MARCO: variants seen among roughly 807,000 people sequenced by gnomAD.
MARCO encodes the protein macrophage receptor with collagenous structure.
In MARCO, 72 loss-of-function variants were observed where a neutral mutation model predicts 70.0. The observed-to-expected ratio is 1.03, with a 90% CI of 0.85 to 1.25. MARCO has a LOEUF of 1.25. Ranked by LOEUF, MARCO falls within the 50% of genes most tolerant of loss-of-function variation. MARCO has a pLI of 0.00. For missense variants in MARCO, 696 were observed against 659.3 expected (o/e 1.06, Z -0.61); for synonymous variants, 273 against 243.1 (o/e 1.12, Z -1.14).
intron 8 of MARCO, among the ~76,000 whole-genome samples, chr2:118,979,057 G>A (rs991451619): frequency 1.3e-5 from 2 of 152,072 alleles, no homozygotes; most frequent in Admixed American, 1.3e-4. Context: ...ATTACTGCAG[G>A]AATATAAGAC....
chr2:118,943,592 G>A (rs1007579063), intron 1 of MARCO, among the ~76,000 whole-genome samples: 2 of 152,198 alleles, frequency 1.3e-5, no homozygotes, highest in African/African-American at 4.8e-5. Context: ...AGGACATGAT[G>A]GACAGATCTA....
chr2:118,971,438 T>A lies in MARCO; in HGVS notation c.425-61T>A. The A allele has an allele frequency of 1.9e-6, 3 of 1,554,524 alleles. No homozygotes were observed. The South Asian group carries it at 3.3e-5, about 17-fold the overall frequency. On this transcript the variant is annotated intron_variant, in intron 3 of 16. Coordinates refer to ENST00000327097, the MANE Select transcript of MARCO (RefSeq NM_006770.4). ...CACTGCAGAACCTGGGCACTCTCAG[T>A]TGGGGCTTGGGCCAAGGGTACCCCA...
chr2:118,977,566 T>G (rs749278664), intron 7 of MARCO, 51 bp downstream of exon 7: 10 of 1,549,208 alleles, frequency 6.5e-6, no homozygotes, highest in South Asian at 1.1e-5. Context: ...CCTGAGGCAC[T>G]GAGGCAGTTC....
chr2:118,980,073 G>A (rs768621463), intron 8 of MARCO, among the ~76,000 whole-genome samples: 1 of 152,192 alleles, frequency 6.6e-6, no homozygotes, highest in Admixed American at 6.5e-5. Flanking sequence ...TAGCAACACA[G>A]ATGCAGGTCC....
At chr2:118,952,029 C>T (rs1679732228) in intron 1 of MARCO, among the ~76,000 whole-genome samples, 1 of 152,152 alleles carries the variant, frequency 6.6e-6, no homozygotes, top group Admixed American at 6.5e-5. Flanking sequence ...TGCTGCTCTC[C>T]CTTCTCCTTC....
At position 118,969,258 on chromosome 2, in the gene MARCO, C is replaced by T. The variant is rs1274519738; in HGVS notation, c.196C>T (p.Gln66Ter). Residue 66 changes from glutamine to a stop codon, truncating the protein, a stop_gained, in exon 2 of 17, where the codon CAA becomes TAA. Transcript: ENST00000327097. LOFTEE classifies it high-confidence loss of function. ...CGCTGGCGCTGGGCTGCTGGTGGTC[C>T]AAGGTAAAGCAGGCTTGGTCCTGTG... ...LTAGAGLLVV[Q>*]VLNLQARLRV... 6.2e-7 allele frequency: 1 copy of T among 1,613,616 alleles called. No homozygotes were observed.
At chr2:118,957,401 A>G (rs1200885221) in intron 1 of MARCO, among the ~76,000 whole-genome samples, 1 of 152,210 alleles carries the variant, frequency 6.6e-6, no homozygotes, top group East Asian at 1.9e-4. Context: ...GAGATGGATA[A>G]ATTCCTGGAA....
chr2:118,987,051 A>T (rs920503856), intron 12 of MARCO, among the ~76,000 whole-genome samples: 2 of 152,168 alleles, frequency 1.3e-5, no homozygotes, highest in Admixed American at 6.5e-5. Context: ...ACAATTGAAG[A>T]CTTTAGTCAG....
intron 12 of MARCO, among the ~76,000 whole-genome samples, chr2:118,983,993 C>T (rs557219152): frequency 6.6e-6 from 1 of 152,194 alleles, no homozygotes; most frequent in Non-Finnish European, 1.5e-5. Context: ...AAAGCAGCTC[C>T]TGCTAATGAG....
chr2:118,968,746 T>A (rs1251666467), intron 1 of MARCO, among the ~76,000 whole-genome samples: 1 of 152,208 alleles, frequency 6.6e-6, no homozygotes, highest in Non-Finnish European at 1.5e-5. Context: ...TTTCTCCAAG[T>A]CTCACTACTT....
intron 1 of MARCO, among the ~76,000 whole-genome samples, chr2:118,964,073 T>C (rs1422978034): frequency 6.6e-6 from 1 of 152,228 alleles, no homozygotes; most frequent in Non-Finnish European, 1.5e-5. Flanking sequence ...TATCGCAGCC[T>C]GGCTATTGCA....
intron 6 of MARCO, among the ~76,000 whole-genome samples, chr2:118,976,168 C>T (rs1447888099): frequency 6.6e-6 from 1 of 152,176 alleles, no homozygotes; most frequent in Non-Finnish European, 1.5e-5. Context: ...CAGGTAGGCA[C>T]ATCACACAGC....
intron 1 of MARCO, among the ~76,000 whole-genome samples, chr2:118,967,232 C>G (rs902339699): frequency 6.6e-6 from 1 of 152,200 alleles, no homozygotes; most frequent in African/African-American, 2.4e-5. Context: ...GCAGGACGGG[C>G]TCTACTGAAC....
chr2:118,953,067 G>A (rs1679755726), intron 1 of MARCO: 1 of 152,238 alleles, frequency 6.6e-6, no homozygotes, highest in Non-Finnish European at 1.5e-5. Context: ...GTTGGCTGGA[G>A]CAGGACCTCA....
intron 1 of MARCO, among the ~76,000 whole-genome samples, chr2:118,956,983 A>T (rs1320698227): frequency 6.6e-6 from 1 of 152,136 alleles, no homozygotes; most frequent in Non-Finnish European, 1.5e-5. Context: ...CCTCTAGGAT[A>T]CAGCTAAGGT....
At chr2:118,966,704 T>G (rs372414111) in intron 1 of MARCO, among the ~76,000 whole-genome samples, 3 of 152,230 alleles carry the variant, frequency 2.0e-5, no homozygotes, top group African/African-American at 7.2e-5. Flanking sequence ...GTATTTTCCA[T>G]GCTTGCTCCA....
chr2:118,974,315 T>C lies in MARCO; in HGVS notation c.461-18T>C. 6.7e-7 allele frequency: 1 copy of C among 1,501,624 alleles called. No individual in the cohort carries two copies. The highest frequency in any genetic ancestry group is 1.8e-5 in the Admixed American group (1 of 54,858). The allele number at this position is 1,501,624 out of a possible 1,614,324, so 93.0% of individuals were successfully genotyped here. A position where few individuals can be genotyped will look rare whatever the true frequency, so the allele number is the denominator to read the frequency against. On this transcript the variant is annotated intron_variant, in intron 4 of 16. Transcript: ENST00000327097. ...TCCTGTTGACTGACTCATTAGTGTC[T>C]CTGTTCCTCTTCCTCAGGTCTTCAA... is the stretch of plus-strand genomic sequence containing the variant.
At chr2:118,994,147 C>T (rs1368146739) in intron 16 of MARCO, among the ~76,000 whole-genome samples, 2 of 152,078 alleles carry the variant, frequency 1.3e-5, no homozygotes, top group African/African-American at 4.8e-5. Context: ...TTGCATGAGA[C>T]TTTTGTCAAA....
chr2:118,958,646 G>T (rs1053104064), intron 1 of MARCO, among the ~76,000 whole-genome samples: 2 of 151,996 alleles, frequency 1.3e-5, no homozygotes, highest in Non-Finnish European at 2.9e-5. Context: ...CACAGAGTTA[G>T]AAAAAACAAT....
Sources: gnomAD v4.1 joint callset for allele counts (sites outside exome capture counted in the v4.1 genomes callset) on GRCh38, gnomAD v4.1.1 for gene constraint, MANE v1.5 for transcripts, NCBI Gene and HGNC (gene_info 2026-07-23, HGNC 2026-07-21) for gene names.